The following ASXL2 variants were observed in gnomAD, a reference collection of about 807,000 sequenced individuals.
ASXL2 encodes ASXL transcriptional regulator 2, also known as putative Polycomb group protein ASXL2.
A neutral mutation model predicts 122.0 loss-of-function variants in ASXL2; 23 were observed. The ratio of observed to expected loss-of-function variants is 0.19; its 90% CI spans 0.14 to 0.27. The LOEUF is 0.27. Among genes scored for constraint, ASXL2 ranks in the 10% least tolerant of loss-of-function variants. The pLI, the probability that ASXL2 is intolerant of heterozygous loss-of-function variation, is 1.00. For missense variants in ASXL2, 1,518 were observed against 1,713.8 expected (o/e 0.89, Z 2.02); for synonymous variants, 650 against 637.0 (o/e 1.02, Z -0.31).
chr2:25,875,687 A>C (rs2090004457), intron 1 of ASXL2, among the ~76,000 whole-genome samples: 1 of 152,146 alleles, frequency 6.6e-6, no homozygotes, highest in Admixed American at 6.5e-5. Context: ...GTACTCTCTA[A>C]AACATGATAG....
intron 1 of ASXL2, among the ~76,000 whole-genome samples, chr2:25,852,471 T>A (rs2089727616): frequency 6.6e-6 from 1 of 152,250 alleles, no homozygotes; most frequent in Admixed American, 6.5e-5. Context: ...TTTTGTATAA[T>A]CTATATGACT....
chr2:25,868,781 C>T (rs1188915770), intron 1 of ASXL2, among the ~76,000 whole-genome samples: 1 of 152,126 alleles, frequency 6.6e-6, no homozygotes, highest in Non-Finnish European at 1.5e-5. Context: ...GTAATCCCGG[C>T]ATTTTAGGAG....
Position 25,808,091 on chromosome 2 carries a change from G to A in ASXL2, c.144-1754C>T, listed in dbSNP as rs566209679. ...TATGGAGCTATTTACTTGGGTATAT[G>A]GGGGGGAAAAAAAACAACCAAAACT... is the stretch of plus-strand genomic sequence containing the variant. On this transcript the variant is annotated intron_variant, in intron 3 of 12. Coordinates refer to ENST00000435504, the MANE Select transcript of ASXL2 (RefSeq NM_018263.6). Among the ~76,000 whole-genome samples the A allele has an allele frequency of 4.6e-5, 7 of 151,386 alleles. No individual in the cohort carries two copies. The East Asian group carries it at 1.2e-3, about 25-fold the overall frequency.
intron 5 of ASXL2, among the ~76,000 whole-genome samples, chr2:25,775,017 GCTGT>G (rs2088522437): frequency 6.6e-6 from 1 of 152,210 alleles, no homozygotes; most frequent in Admixed American, 6.5e-5. Flanking sequence ...TTTATTAATA[GCTGT>G]CTTTTTCTTG....
chr2:25,797,880 C>T (rs1250018848), intron 5 of ASXL2, among the ~76,000 whole-genome samples: 1 of 152,198 alleles, frequency 6.6e-6, no homozygotes, highest in Non-Finnish European at 1.5e-5. Flanking sequence ...AATCACACTC[C>T]TTAGCATTTA....
chr2:25,804,106 C>T (rs1024292681), intron 4 of ASXL2, among the ~76,000 whole-genome samples: 1 of 152,010 alleles, frequency 6.6e-6, no homozygotes, highest in South Asian at 2.1e-4. Context: ...GAGAATAGAG[C>T]CCTGTAACCC....
rs934677719 is a variant in ASXL2 at position 25,871,291 on chromosome 2, A to AG, written c.57+6874dup. Among the ~76,000 whole-genome samples, 301 of 152,190 alleles carry AG rather than the reference A, an allele frequency of 2.0e-3. 1 individual carries two copies. Among genetic ancestry groups the AG allele is most frequent in the African/African-American group, 6.9e-3 (286 of 41,514 alleles). On this transcript the variant is annotated intron_variant, in intron 1 of 12. Coordinates refer to ENST00000435504, the MANE Select transcript of ASXL2 (RefSeq NM_018263.6). The stretch of plus-strand genomic sequence containing the variant: ...GCCTCCTTCCAGACAGCTTTCGTAG[A>AG]GGGGGGGAAAAATGTCCCACAGCAA...
rs772080587 is a variant in ASXL2 at position 25,743,172 on chromosome 2, G to A, written c.3165C>T (p.His1055=). ...RDSSIDTHQY[H]EGLSKATQDQ... ...CTTGGGTTGCTTTACTTAGTCCTTC[G>A]TGGTATTGGTGTGTGTCAATGCTGG... The change falls in exon 13 of 13, where the codon CAC becomes CAT. Residue 1055 remains histidine (H), a synonymous_variant. Transcript: ENST00000435504. The A allele has an allele frequency of 1.2e-6, 2 of 1,613,980 alleles. No individual in the cohort carries two copies. Among genetic ancestry groups the A allele is most frequent in the South Asian group, 1.1e-5 (1 of 91,084 alleles).
chr2:25,842,703 T>TATAG (rs61348346), intron 2 of ASXL2, among the ~76,000 whole-genome samples: 55,940 of 150,120 alleles, frequency 0.37, 12,206 homozygotes, highest in Non-Finnish European at 0.49. Context: ...TATATATATA[T>TATAG]ATAGATAGAT....
In ASXL2 at chr2:25,743,545, G is replaced by C. The variant is rs200647261; in HGVS notation, c.2792C>G (p.Thr931Ser). Residue 931 changes from threonine (T) to serine (S), a missense_variant, in exon 13 of 13, where the codon ACT becomes AGT. Thr to Ser is a moderately conservative substitution (Grantham distance 58, BLOSUM62 1). Transcript: ENST00000435504. ...PAASSLKTPG[T>S]SLNMNGPTLR... The stretch of plus-strand genomic sequence containing the variant: ...AGTGGGTCCATTCATGTTTAAAGAA[G>C]TTCCTGGGGTTTTAAGGCTAGAAGC... 118 of 1,613,904 alleles carry C rather than the reference G, an allele frequency of 7.3e-5. No homozygotes were observed. In the Middle Eastern group the frequency reaches 9.9e-4, roughly 13 times the overall value.
intron 9 of ASXL2, 75 bp from the exon 10 acceptor site, chr2:25,756,189 A>G: frequency 1.3e-6 from 1 of 791,182 alleles, no homozygotes; most frequent in Non-Finnish European, 1.9e-6. Flanking sequence ...CCTTCCTTTC[A>G]TTTTATAAAA....
chr2:25,776,144 A>G (rs1276219896), intron 5 of ASXL2, among the ~76,000 whole-genome samples: 1 of 152,298 alleles, frequency 6.6e-6, no homozygotes, highest in East Asian at 1.9e-4. Context: ...AACACCATAC[A>G]TGTTAACCGT....
chr2:25,867,321 T>TA (rs2089917521), intron 1 of ASXL2, among the ~76,000 whole-genome samples: 1 of 152,108 alleles, frequency 6.6e-6, no homozygotes, highest in East Asian at 1.9e-4. Context: ...CGCAGAAAAG[T>TA]AGAAGGCCAG....
At chr2:25,818,620 A>G (rs1193815324) in intron 3 of ASXL2, among the ~76,000 whole-genome samples, 3 of 152,250 alleles carry the variant, frequency 2.0e-5, no homozygotes, top group East Asian at 1.9e-4. Context: ...AACCCAAAGA[A>G]TAAGAATCCA....
chr2:25,742,004 T>C lies in ASXL2; in HGVS notation c.*25A>G, dbSNP rs367974288. 9.1e-5 allele frequency: 144 copies of C among 1,588,298 alleles called. No homozygotes were observed. The highest frequency in any genetic ancestry group is 1.2e-4 in the Non-Finnish European group (135 of 1,163,156). ...GTCAACCCTTCCCTTCCCCCTCCTT[T>C]ACAGTGTATCTCTTTCTAGTCTCAT... On this transcript the variant is annotated 3_prime_UTR_variant, in exon 13 of 13. Transcript: ENST00000435504.
chr2:25,871,864 G>C (rs541986329), intron 1 of ASXL2, among the ~76,000 whole-genome samples: 6 of 152,350 alleles, frequency 3.9e-5, no homozygotes, highest in Middle Eastern at 3.4e-3. Context: ...TGTACTAACA[G>C]ACTTGCAGAA....
rs1424531905 is a variant in ASXL2, at chr2:25,739,414, G to C, written c.*2615C>G. ...TTCTGTTCAGCTTTTAAGATGAATG[G>C]CTTTCCACTTGAAACCTCTGTGTTG... On this transcript the variant is annotated 3_prime_UTR_variant, in exon 13 of 13. Coordinates refer to ENST00000435504, the MANE Select transcript of ASXL2 (RefSeq NM_018263.6). 5.6e-6 allele frequency: 1 copy of C among 178,918 alleles called. No homozygotes were observed. The highest frequency in any genetic ancestry group is 1.2e-5 in the Non-Finnish European group (1 of 83,806). 11.1% of individuals were successfully genotyped at this position (178,918 alleles called of 1,614,324 possible).
intron 2 of ASXL2, among the ~76,000 whole-genome samples, chr2:25,841,903 C>T (rs528548603): frequency 6.7e-6 from 1 of 148,576 alleles, no homozygotes; most frequent in African/African-American, 2.5e-5. Flanking sequence ...GCTGAGATGG[C>T]GTCACTGCAC....
At chr2:25,860,137 C>A (rs1248811709) in intron 1 of ASXL2, among the ~76,000 whole-genome samples, 4 of 151,448 alleles carry the variant, frequency 2.6e-5, no homozygotes, top group Non-Finnish European at 5.9e-5. Context: ...CATGGAGAAA[C>A]CCCATCTCTA....
Sources: allele counts gnomAD v4.1 joint callset (sites outside exome capture counted in the v4.1 genomes callset), GRCh38; gene constraint gnomAD v4.1.1; transcripts MANE v1.5; gene names NCBI Gene and HGNC (gene_info 2026-07-23, HGNC 2026-07-21).